The following SSBP2 variants were observed in gnomAD, a reference collection of about 807,000 sequenced individuals.
SSBP2 encodes the protein single-stranded DNA-binding protein 2.
In SSBP2, 17 loss-of-function variants were observed where a neutral mutation model predicts 61.8. The ratio of observed to expected loss-of-function variants is 0.28; its 90% CI spans 0.19 to 0.41. The LOEUF is 0.41. Among genes scored for constraint, SSBP2 ranks in the 10% least tolerant of loss-of-function variants. The probability of loss-of-function intolerance (pLI) is 1.00; values close to 1 mark genes in which losing one functional copy is unlikely to be tolerated. For synonymous variants in SSBP2, 139 were observed against 141.3 expected (o/e 0.98, Z 0.12); for missense variants, 310 against 458.7 (o/e 0.68, Z 2.96).
chr5:81,728,121 G>A (rs183465764), intron 1 of SSBP2, among the ~76,000 whole-genome samples: 90 of 152,294 alleles, frequency 5.9e-4, no homozygotes, highest in African/African-American at 2.0e-3. Flanking sequence ...ATAATTCAGC[G>A]TCCTGTGAAC....
intron 1 of SSBP2, among the ~76,000 whole-genome samples, chr5:81,654,737 G>T (rs1053575988): frequency 1.3e-5 from 2 of 152,190 alleles, no homozygotes; most frequent in Admixed American, 1.3e-4. Context: ...GATACTGTTT[G>T]AACACAAATG....
At chr5:81,433,770 G>T (rs927426907) in intron 15 of SSBP2, among the ~76,000 whole-genome samples, 8 of 152,140 alleles carry the variant, frequency 5.3e-5, no homozygotes, top group Non-Finnish European at 1.2e-4. Context: ...TATAAATTCT[G>T]CATTCTGAGA....
intron 10 of SSBP2, among the ~76,000 whole-genome samples, chr5:81,452,627 CAAAG>C (rs1468357978): frequency 6.6e-6 from 1 of 152,098 alleles, no homozygotes; most frequent in African/African-American, 2.4e-5. Flanking sequence ...GTGTGGCAGA[CAAAG>C]AAAGGAAGAA....
At chr5:81,699,005 A>G (rs558641488) in intron 1 of SSBP2, among the ~76,000 whole-genome samples, 145 of 152,340 alleles carry the variant, frequency 9.5e-4, no homozygotes, top group African/African-American at 3.2e-3. Context: ...CACTACAATA[A>G]AGTGAGTCAC....
At chr5:81,738,338 AAAT>A (rs1167496302) in intron 1 of SSBP2, among the ~76,000 whole-genome samples, 3 of 152,188 alleles carry the variant, frequency 2.0e-5, no homozygotes, top group Non-Finnish European at 4.4e-5. Context: ...TTAAAGAGAG[AAAT>A]AATAAACTAA....
chr5:81,743,843 C>T (rs1757185571), intron 1 of SSBP2, among the ~76,000 whole-genome samples: 1 of 152,184 alleles, frequency 6.6e-6, no homozygotes, highest in Non-Finnish European at 1.5e-5. Context: ...AGCCATGCTA[C>T]ATTCATGAGA....
At chr5:81,725,840 C>G (rs778690969) in intron 1 of SSBP2, among the ~76,000 whole-genome samples, 2 of 152,056 alleles carry the variant, frequency 1.3e-5, no homozygotes, top group African/African-American at 2.4e-5. Context: ...TAATATGAAG[C>G]AAGATCAGCT....
chr5:81,539,004 T>C (rs1444719753), intron 4 of SSBP2, among the ~76,000 whole-genome samples: 2 of 152,206 alleles, frequency 1.3e-5, no homozygotes, highest in Non-Finnish European at 2.9e-5. Flanking sequence ...ATTTAAGAAA[T>C]ATATTTCATA....
chr5:81,653,720 G>A (rs1244543182), intron 1 of SSBP2, among the ~76,000 whole-genome samples: 2 of 152,064 alleles, frequency 1.3e-5, no homozygotes, highest in Non-Finnish European at 2.9e-5. Context: ...TTTTTTTCAT[G>A]TTTGTTGGCT....
At chr5:81,735,394 C>T (rs1756531779) in intron 1 of SSBP2, among the ~76,000 whole-genome samples, 1 of 152,190 alleles carries the variant, frequency 6.6e-6, no homozygotes. Flanking sequence ...ACCCCCCACC[C>T]ACTGCAGATA....
intron 15 of SSBP2, among the ~76,000 whole-genome samples, chr5:81,435,894 A>C (rs1337407524): frequency 6.6e-6 from 1 of 152,148 alleles, no homozygotes; most frequent in Non-Finnish European, 1.5e-5. Context: ...AAATTGTTAG[A>C]AATACCTGAG....
intron 4 of SSBP2, among the ~76,000 whole-genome samples, chr5:81,603,156 T>C (rs1038009583): frequency 1.3e-5 from 2 of 152,202 alleles, no homozygotes; most frequent in Non-Finnish European, 2.9e-5. Flanking sequence ...CTCTGGACAA[T>C]GAATGGAGAT....
chr5:81,727,276 G>A (rs998466418), intron 1 of SSBP2, among the ~76,000 whole-genome samples: 2 of 152,206 alleles, frequency 1.3e-5, no homozygotes, highest in African/African-American at 4.8e-5. Context: ...TGGGCCAGGT[G>A]CAGTGGCTCA....
intron 4 of SSBP2, among the ~76,000 whole-genome samples, chr5:81,593,028 C>T (rs552255137): frequency 2.0e-4 from 31 of 151,984 alleles, no homozygotes; most frequent in Admixed American, 1.4e-3. Flanking sequence ...AGGCTTCAGA[C>T]GATCAAACTA....
At chr5:81,467,889 T>C (rs1459193819) in intron 8 of SSBP2, among the ~76,000 whole-genome samples, 3 of 151,992 alleles carry the variant, frequency 2.0e-5, no homozygotes, top group Non-Finnish European at 4.4e-5. Flanking sequence ...GTTCTAGCTA[T>C]AGCACTCTTT....
At chr5:81,666,940 T>G (rs1390190093) in intron 1 of SSBP2, among the ~76,000 whole-genome samples, 1 of 152,190 alleles carries the variant, frequency 6.6e-6, no homozygotes, top group Non-Finnish European at 1.5e-5. Context: ...TTCAATGTTT[T>G]CACATAAAAA....
intron 9 of SSBP2, among the ~76,000 whole-genome samples, chr5:81,461,587 C>T (rs571329860): frequency 1.5e-5 from 2 of 134,876 alleles, no homozygotes; most frequent in Non-Finnish European, 3.2e-5. Flanking sequence ...TCTAAAGTTG[C>T]CTTTTAAAAA....
chr5:81,694,545 T>C (rs951939599), intron 1 of SSBP2, among the ~76,000 whole-genome samples: 5 of 152,142 alleles, frequency 3.3e-5, no homozygotes, highest in Non-Finnish European at 7.4e-5. Flanking sequence ...TAGAAGTTTT[T>C]TTTTTCTATC....
In SSBP2 at chr5:81,420,156, C is replaced by T; in HGVS notation, c.*348G>A. On this transcript the variant is annotated 3_prime_UTR_variant, in exon 17 of 17. Coordinates refer to ENST00000320672, the MANE Select transcript of SSBP2 (RefSeq NM_012446.5). The stretch of plus-strand genomic sequence containing the variant: ...CCCTACTTATTTCTACTTAAGATGT[C>T]ATGTGATAATATTTTACAATGTCCT... 1 of 217,766 alleles carries T rather than the reference C, an allele frequency of 4.6e-6. No individual in the cohort carries two copies. The highest frequency in any genetic ancestry group is 2.3e-5 in the African/African-American group (1 of 43,994). 13.5% of individuals were successfully genotyped at this position (217,766 alleles called of 1,614,324 possible). A position where few individuals can be genotyped will look rare whatever the true frequency, so the allele number is the denominator to read the frequency against.
Sources: allele counts gnomAD v4.1 joint callset (sites outside exome capture counted in the v4.1 genomes callset), GRCh38; gene constraint gnomAD v4.1.1; transcripts MANE v1.5; gene names NCBI Gene and HGNC (gene_info 2026-07-23, HGNC 2026-07-21).